Variants in ERC1 observed in about 807,000 individuals in gnomAD.
ERC1 encodes RAB6 interacting protein 2.
ERC1 carries 56 observed loss-of-function variants against 132.0 expected under a neutral mutation model. The observed-to-expected ratio is 0.42, with a 90% CI of 0.34 to 0.53. The LOEUF (loss-of-function observed/expected upper bound fraction) is 0.53, where lower values mean the gene tolerates loss of function less well. Among genes scored for constraint, ERC1 ranks in the 20% least tolerant of loss-of-function variants. The pLI, the probability that ERC1 is intolerant of heterozygous loss-of-function variation, is 0.03. For synonymous variants in ERC1, 478 were observed against 476.1 expected (o/e 1.00, Z -0.05); for missense variants, 1,202 against 1,349.9 (o/e 0.89, Z 1.72).
chr12:1,262,855 A>G (rs2286032), intron 13 of ERC1, among the ~76,000 whole-genome samples, 179 bp from the exon 14 acceptor site: 10,926 of 152,242 alleles, frequency 0.072, 724 homozygotes, highest in African/African-American at 0.18. Flanking sequence ...ATACTTCTTC[A>G]GCCTCCTTCT....
intron 13 of ERC1, among the ~76,000 whole-genome samples, chr12:1,245,510 G>A (rs1260018950): frequency 1.3e-5 from 2 of 152,130 alleles, no homozygotes; most frequent in African/African-American, 4.8e-5. Flanking sequence ...AAAGTGCTCT[G>A]AAAAGATGAT....
intron 16 of ERC1, among the ~76,000 whole-genome samples, chr12:1,400,914 G>GTTTTT (rs1566774897): frequency 3.4e-3 from 38 of 11,130 alleles, no homozygotes; most frequent in Non-Finnish European, 4.6e-3. Context: ...GGCTATTTTT[G>GTTTTT]TATTTTTTTT....
chr12:1,050,700 CAAAAAAT>C (rs1419394539), intron 2 of ERC1, among the ~76,000 whole-genome samples: 5 of 151,722 alleles, frequency 3.3e-5, no homozygotes, highest in Admixed American at 3.3e-4. Context: ...AAACATTTGC[CAAAAAAT>C]AAAAAATGAA....
In ERC1 at chr12:1,234,872, A is replaced by C. The variant is rs143520507; in HGVS notation, c.2352-1897A>C. The stretch of plus-strand genomic sequence containing the variant: ...GTAAAAAATGAAATATTATTATGTT[A>C]TACCAAACCCCCCAAAATGGAAGTA... On this transcript the variant is annotated intron_variant, in intron 12 of 18. Coordinates refer to ENST00000360905, the MANE Select transcript of ERC1 (RefSeq NM_178040.4). 1.6e-3 allele frequency among the ~76,000 whole-genome samples: 248 copies of C among 152,306 alleles called. 1 individual carries two copies. Among genetic ancestry groups the C allele is most frequent in the Middle Eastern group, 6.8e-3 (2 of 294 alleles).
In ERC1 at chr12:1,494,935, A is replaced by G; in HGVS notation, c.*4705A>G. On this transcript the variant is annotated 3_prime_UTR_variant, in exon 19 of 19. Transcript: ENST00000360905. ...GTGGCCCTGGGCTGGCGGCTTAGGA[A>G]GCATGGAGCACACTTAGGGTAGTGC... 4.3e-6 allele frequency: 1 copy of G among 230,782 alleles called. No individual in the cohort carries two copies. Among genetic ancestry groups the G allele is most frequent in the Non-Finnish European group, 8.6e-6 (1 of 116,502 alleles). The allele number at this position is 230,782 out of a possible 1,614,324, so 14.3% of individuals were successfully genotyped here. A position where few individuals can be genotyped will look rare whatever the true frequency, so the allele number is the denominator to read the frequency against.
At chr12:1,095,155 C>T (rs556464605) in intron 3 of ERC1, among the ~76,000 whole-genome samples, 10 of 152,116 alleles carry the variant, frequency 6.6e-5, no homozygotes, top group South Asian at 2.1e-4. Context: ...GTTTCTCAGG[C>T]GTGGTGGCTC....
intron 7 of ERC1, among the ~76,000 whole-genome samples, chr12:1,127,511 T>C (rs1181875838): frequency 6.6e-6 from 1 of 152,172 alleles, no homozygotes; most frequent in African/African-American, 2.4e-5. Context: ...TTTACTTTTT[T>C]TTTTTTTTGA....
chr12:1,205,104 A>T (rs1019329336), intron 12 of ERC1, among the ~76,000 whole-genome samples: 2 of 152,216 alleles, frequency 1.3e-5, no homozygotes, highest in African/African-American at 4.8e-5. Context: ...CTTAGCAACT[A>T]TGAAGAGAGA....
At chr12:1,471,645 A>C (rs1381716936) in intron 18 of ERC1, among the ~76,000 whole-genome samples, 1 of 149,766 alleles carries the variant, frequency 6.7e-6, no homozygotes, top group Non-Finnish European at 1.5e-5. Context: ...CCACTGACCC[A>C]ATTCATTTGT....
intron 14 of ERC1, among the ~76,000 whole-genome samples, chr12:1,269,919 A>G (rs189026659): frequency 3.9e-5 from 6 of 152,196 alleles, no homozygotes; most frequent in African/African-American, 1.2e-4. Context: ...AATGTTAACA[A>G]AGGGACAATT....
chr12:1,032,436 A>G (rs1455712386), intron 2 of ERC1, among the ~76,000 whole-genome samples: 1 of 152,328 alleles, frequency 6.6e-6, no homozygotes, highest in Non-Finnish European at 1.5e-5. Flanking sequence ...CATGAAAGGA[A>G]AAGAAACAAG....
At chr12:1,066,579 G>C (rs1407630378) in intron 2 of ERC1, among the ~76,000 whole-genome samples, 3 of 152,208 alleles carry the variant, frequency 2.0e-5, no homozygotes, top group Non-Finnish European at 4.4e-5. Context: ...GCTCACGCCT[G>C]TAATCCCAGC....
At chr12:1,412,517 A>G (rs773942362) in intron 17 of ERC1, among the ~76,000 whole-genome samples, 2 of 152,180 alleles carry the variant, frequency 1.3e-5, no homozygotes, top group African/African-American at 4.8e-5. Context: ...ACCACCATGT[A>G]CTAGCTTCTG....
At chr12:1,229,923 C>T (rs1453842256) in intron 12 of ERC1, among the ~76,000 whole-genome samples, 1 of 150,810 alleles carries the variant, frequency 6.6e-6, no homozygotes, top group Non-Finnish European at 1.5e-5. Flanking sequence ...ATAAACTTGT[C>T]TCTTTGAACT....
chr12:1,144,712 T>C (rs1370671717), intron 8 of ERC1, among the ~76,000 whole-genome samples: 1 of 150,462 alleles, frequency 6.6e-6, no homozygotes, highest in Non-Finnish European at 1.5e-5. Flanking sequence ...GCATTTGGGC[T>C]GGTTCCATAT....
At chr12:1,345,777 C>T (rs528105656) in intron 15 of ERC1, among the ~76,000 whole-genome samples, 3 of 152,246 alleles carry the variant, frequency 2.0e-5, no homozygotes, top group South Asian at 4.2e-4. Context: ...GCCACATTTT[C>T]CCTATCCCTG....
At chr12:1,301,804 G>A (rs905666595) in intron 15 of ERC1, among the ~76,000 whole-genome samples, 3 of 151,856 alleles carry the variant, frequency 2.0e-5, no homozygotes, top group African/African-American at 7.3e-5. Context: ...CTTCACATGT[G>A]CCCCTGAACT....
intron 18 of ERC1, among the ~76,000 whole-genome samples, chr12:1,458,397 C>T (rs116668769): frequency 2.0e-5 from 3 of 151,782 alleles, no homozygotes; most frequent in Non-Finnish European, 4.4e-5. Flanking sequence ...CAAATCCTAT[C>T]GTATTGGATT....
intron 7 of ERC1, among the ~76,000 whole-genome samples, chr12:1,135,998 GAT>G (rs931071133): frequency 1.3e-5 from 2 of 152,170 alleles, no homozygotes; most frequent in Non-Finnish European, 2.9e-5. Context: ...AGACTGTTAA[GAT>G]ATAATGTCAT....
Sources: allele counts gnomAD v4.1 joint callset (sites outside exome capture counted in the v4.1 genomes callset), GRCh38; gene constraint gnomAD v4.1.1; transcripts MANE v1.5; gene names NCBI Gene and HGNC (gene_info 2026-07-23, HGNC 2026-07-21).